TTLL5: variants seen among roughly 807,000 people sequenced by gnomAD.
TTLL5 encodes tubulin tyrosine ligase like 5.
TTLL5 carries 132 observed loss-of-function variants against 168.4 expected under a neutral mutation model. The ratio of observed to expected loss-of-function variants is 0.78; its 90% confidence interval spans 0.68 to 0.91. The LOEUF is 0.91. TTLL5 is among the 40% of genes least tolerant of loss of function. The probability of loss-of-function intolerance (pLI) is 0.00; values close to 1 mark genes in which losing one functional copy is unlikely to be tolerated. For synonymous variants in TTLL5, 546 were observed against 558.6 expected (o/e 0.98, Z 0.32); for missense variants, 1,545 against 1,581.5 (o/e 0.98, Z 0.39).
At position 75,924,955 on chromosome 14, in the gene TTLL5, C is replaced by T. The variant is rs540057666; in HGVS notation, c.3823+22731C>T. On this transcript the variant is annotated intron_variant, in intron 31 of 31. Coordinates refer to ENST00000298832, the MANE Select transcript of TTLL5 (RefSeq NM_015072.5). Reference sequence around the variant, plus strand: ...CTCCTGGACGGGGCGGCTGGCCAGGCGGAGGGCCGACCCCCCCACCTCACT... The same window carrying T: ...CTCCTGGACGGGGCGGCTGGCCAGGTGGAGGGCCGACCCCCCCACCTCACT... Among the ~76,000 whole-genome samples the T allele has an allele frequency of 2.1e-3, 306 of 144,792 alleles. 46 individuals carry two copies. Among genetic ancestry groups the T allele is most frequent in the African/African-American group, 7.7e-3 (289 of 37,728 alleles). The allele number at this position is 144,792 out of a possible 152,430, so 95.0% of individuals were successfully genotyped here.
intron 10 of TTLL5, among the ~76,000 whole-genome samples, chr14:75,718,515 A>T (rs554374565): frequency 6.6e-6 from 1 of 152,112 alleles, no homozygotes; most frequent in Non-Finnish European, 1.5e-5. Context: ...ATTTTTGCTG[A>T]GGGGGGAGGA....
At chr14:75,688,219 C>T (rs935856348) in intron 5 of TTLL5, among the ~76,000 whole-genome samples, 1 of 152,160 alleles carries the variant, frequency 6.6e-6, no homozygotes, top group Non-Finnish European at 1.5e-5. Flanking sequence ...CAGCCCACCC[C>T]TCAGCCTCCA....
intron 15 of TTLL5, among the ~76,000 whole-genome samples, chr14:75,742,539 G>A (rs1273779372): frequency 1.3e-5 from 2 of 152,200 alleles, no homozygotes; most frequent in African/African-American, 4.8e-5. Context: ...GAGACCACAG[G>A]CATGTGCCAC....
intron 28 of TTLL5, among the ~76,000 whole-genome samples, chr14:75,830,658 C>T (rs1895509541): frequency 6.6e-6 from 1 of 152,218 alleles, no homozygotes; most frequent in Non-Finnish European, 1.5e-5. Flanking sequence ...CACATCCTCA[C>T]TTATGCCATT....
chr14:75,930,555 A>G (rs2034241887), intron 31 of TTLL5: 1 of 955,676 alleles, frequency 1.0e-6, no homozygotes, highest in Non-Finnish European at 1.2e-6. Flanking sequence ...AAGGATAATC[A>G]GCCTGTATAT....
intron 27 of TTLL5, chr14:75,803,164 A>G (rs530275486): frequency 6.6e-6 from 1 of 152,380 alleles, no homozygotes; most frequent in South Asian, 2.1e-4. Context: ...GGTAGCTTGA[A>G]GAGGATGGAT....
intron 29 of TTLL5, among the ~76,000 whole-genome samples, chr14:75,869,565 G>A (rs985714414): frequency 6.6e-6 from 1 of 151,986 alleles, no homozygotes; most frequent in East Asian, 1.9e-4. Flanking sequence ...TATCTCAGTG[G>A]ATCTTTACAG....
intron 28 of TTLL5, among the ~76,000 whole-genome samples, chr14:75,836,261 C>G (rs1422934352): frequency 6.6e-6 from 1 of 152,046 alleles, no homozygotes; most frequent in Non-Finnish European, 1.5e-5. Context: ...AACTGGAGGT[C>G]ATTATGTTAA....
rs747833035 is a variant in TTLL5 at position 75,776,833 on chromosome 14, G to A, written c.2370G>A (p.Glu790=). 1 of 1,613,514 alleles carries A rather than the reference G, an allele frequency of 6.2e-7. No individual in the cohort carries two copies. The highest frequency in any genetic ancestry group is 1.1e-5 in the South Asian group (1 of 91,034). ...EDGVNMENFQ[E]FIRQASEAEL... ...GGGTGAATATGGAAAACTTTCAGGA[G>A]TTCATCAGACAAGCAAGGTAGTAGA... The change falls in exon 23 of 32, where the codon GAG becomes GAA. Residue 790 remains glutamate, a synonymous_variant. Coordinates refer to ENST00000298832, the MANE Select transcript of TTLL5 (RefSeq NM_015072.5).
At chr14:75,753,238 A>C (rs187537066) in intron 18 of TTLL5, among the ~76,000 whole-genome samples, 8 of 152,328 alleles carry the variant, frequency 5.3e-5, no homozygotes, top group Admixed American at 4.6e-4. Flanking sequence ...GCCTTTACTT[A>C]GTGCCATTAT....
intron 15 of TTLL5, 77 bp downstream of exon 15, chr14:75,735,366 G>C (rs1018431754): frequency 2.5e-5 from 36 of 1,412,020 alleles, no homozygotes; most frequent in Non-Finnish European, 2.1e-5. Context: ...GGGAGCAGAA[G>C]CACTGTGGGT....
At chr14:75,744,185 A>G (rs1889453864) in intron 15 of TTLL5, among the ~76,000 whole-genome samples, 1 of 152,202 alleles carries the variant, frequency 6.6e-6, no homozygotes, top group African/African-American at 2.4e-5. Context: ...CTAAGAATCA[A>G]GAGGACAATT....
chr14:75,778,067 C>T (rs960472933), intron 23 of TTLL5, among the ~76,000 whole-genome samples: 1 of 151,666 alleles, frequency 6.6e-6, no homozygotes, highest in African/African-American at 2.4e-5. Flanking sequence ...TAAGGATCTT[C>T]AAAATCCCTA....
intron 28 of TTLL5, among the ~76,000 whole-genome samples, chr14:75,834,108 C>CA (rs1459790708): frequency 1.3e-5 from 2 of 152,072 alleles, no homozygotes; most frequent in African/African-American, 4.8e-5. Flanking sequence ...AGTCACAGTA[C>CA]AAAAAACATG....
chr14:75,681,586 C>A lies in TTLL5; in HGVS notation c.223C>A (p.Arg75Ser). The A allele has an allele frequency of 6.2e-7, 1 of 1,613,426 alleles. No homozygotes were observed. Among genetic ancestry groups the A allele is most frequent in the South Asian group, 1.1e-5 (1 of 91,048 alleles). ...TTATAAGATTGTACGAACGGACAGT[C>A]GCCTAGTACGCAGCATTCTGACAGC... Reference protein sequence around the residue: ...LSYKIVRTDSRLVRSILTAHG... With the variant: ...LSYKIVRTDSSLVRSILTAHG... The change falls in exon 4 of 32, where the codon CGC becomes AGC. Residue 75 changes from arginine to serine, a missense_variant. Transcript: ENST00000298832.
chr14:75,682,317 G>A (rs1162661681), intron 4 of TTLL5, among the ~76,000 whole-genome samples: 1 of 152,148 alleles, frequency 6.6e-6, no homozygotes. Flanking sequence ...AAGCCCCAAG[G>A]ATATAGGAAC....
At chr14:75,776,052 G>A (rs1197465254) in intron 22 of TTLL5, among the ~76,000 whole-genome samples, 1 of 152,118 alleles carries the variant, frequency 6.6e-6, no homozygotes, top group Non-Finnish European at 1.5e-5. Context: ...ATACATTACA[G>A]AATTTTACAG....
intron 5 of TTLL5, among the ~76,000 whole-genome samples, chr14:75,686,264 CT>C (rs1247720644): frequency 6.6e-6 from 1 of 152,134 alleles, no homozygotes; most frequent in African/African-American, 2.4e-5. Context: ...GAATGTACCC[CT>C]GATATAATAG....
At chr14:75,771,134 C>A (rs975990225) in intron 20 of TTLL5, among the ~76,000 whole-genome samples, 1 of 152,056 alleles carries the variant, frequency 6.6e-6, no homozygotes, top group African/African-American at 2.4e-5. Flanking sequence ...TTAAAAAGTT[C>A]AAAGAGGGTC....
Sources: allele counts gnomAD v4.1 joint callset (sites outside exome capture counted in the v4.1 genomes callset), GRCh38; gene constraint gnomAD v4.1.1; transcripts MANE v1.5; gene names NCBI Gene and HGNC (gene_info 2026-07-23, HGNC 2026-07-21).